CEP152: variants seen among roughly 807,000 people sequenced by gnomAD.
The protein encoded by CEP152 is centrosomal protein of 152 kDa.
Under a neutral mutation model 188.9 loss-of-function variants are expected in CEP152, and 132 were observed. The ratio of observed to expected loss-of-function variants is 0.70; its 90% CI spans 0.61 to 0.81. The LOEUF (loss-of-function observed/expected upper bound fraction) is 0.81, where lower values mean the gene tolerates loss of function less well. CEP152 is among the 30% of genes least tolerant of loss of function. CEP152 has a pLI of 0.00. For synonymous variants in CEP152, 649 were observed against 666.6 expected, an observed-to-expected ratio of 0.97 and a Z score of 0.41; for missense variants, 1,914 against 1,969.8, an observed-to-expected ratio of 0.97 and a Z score of 0.54.
At chr15:48,763,717 T>C (rs1025826603) in intron 17 of CEP152, among the ~76,000 whole-genome samples, 6 of 152,168 alleles carry the variant, frequency 3.9e-5, no homozygotes, top group Admixed American at 3.3e-4. Context: ...TTGAGAATTC[T>C]TTTTTGTTTT....
In CEP152 at chr15:48,756,394, C is replaced by T; in HGVS notation, c.2854G>A (p.Glu952Lys). The change falls in exon 20 of 27, where the codon GAG becomes AAG. Residue 952 changes from glutamate (E) to lysine (K), a missense_variant. By Grantham distance (56) the Glu-to-Lys change is moderately conservative. Coordinates refer to ENST00000380950, the MANE Select transcript of CEP152 (RefSeq NM_001194998.2). ...NEEVPVVIRA[E>K]LAKARSEWNK... ...CATTCACTCCGAGCCTTAGCTAACT[C>T]AGCCCTGATGACCACAGGGACTTCT... 6.2e-6 allele frequency: 10 copies of T among 1,609,500 alleles called. No individual in the cohort carries two copies. Among genetic ancestry groups the T allele is most frequent in the Non-Finnish European group, 8.5e-6 (10 of 1,177,516 alleles).
chr15:48,788,475 A>G (rs1896804613), intron 9 of CEP152, among the ~76,000 whole-genome samples: 1 of 151,488 alleles, frequency 6.6e-6, no homozygotes, highest in Non-Finnish European at 1.5e-5. Context: ...CTGGGATTAC[A>G]GGCACGCACC....
In CEP152 at chr15:48,796,086, A is replaced by G; in HGVS notation, c.615T>C (p.Asn205=). The change falls in exon 6 of 27, where the codon AAT becomes AAC. Residue 205 remains asparagine, a synonymous_variant. Coordinates refer to ENST00000380950, the MANE Select transcript of CEP152 (RefSeq NM_001194998.2). ...CTGTTATCTCCTGGGCTGGTGAGCC[A>G]TTATTCTGGGCAGAAGACTGATAAG... ...YKPYQSSAQN[N]GSPAQEITGS... 6.2e-7 allele frequency: 1 copy of G among 1,613,888 alleles called. No homozygotes were observed. Among genetic ancestry groups the G allele is most frequent in the South Asian group, 1.1e-5 (1 of 91,068 alleles).
At chr15:48,782,749 G>C (rs530505817) in intron 10 of CEP152, among the ~76,000 whole-genome samples, 65 of 152,258 alleles carry the variant, frequency 4.3e-4, no homozygotes, top group African/African-American at 1.4e-3. Context: ...AAGGTGGTGG[G>C]GGGACTGTTC....
intron 23 of CEP152, 140 bp from the exon 24 acceptor site, chr15:48,744,483 A>T: frequency 7.1e-7 from 1 of 1,410,344 alleles, no homozygotes; most frequent in Non-Finnish European, 9.5e-7. Flanking sequence ...TCCACTATAC[A>T]GTTATTTAAA....
At chr15:48,773,272 A>G (rs1260040178) in intron 12 of CEP152, 1 of 153,622 alleles carries the variant, frequency 6.5e-6, no homozygotes, top group Non-Finnish European at 1.4e-5. Flanking sequence ...TTCCTCCTTA[A>G]AAAACTAGCA....
At chr15:48,791,460 A>G (rs923973057) in intron 7 of CEP152, 84 bp from the exon 8 acceptor site, 1 of 1,174,588 alleles carries the variant, frequency 8.5e-7, no homozygotes, top group African/African-American at 1.5e-5. Flanking sequence ...TCACGTCTGT[A>G]TCATATATAA....
chr15:48,730,486 A>G (rs1892385834), intron 2 of CEP152, among the ~76,000 whole-genome samples: 1 of 152,166 alleles, frequency 6.6e-6, no homozygotes, highest in Admixed American at 6.5e-5. Flanking sequence ...ATATGTAGGG[A>G]AAACCTAAGA....
intron 17 of CEP152, among the ~76,000 whole-genome samples, chr15:48,766,209 C>G (rs950033280): frequency 6.6e-6 from 1 of 152,178 alleles, no homozygotes; most frequent in Non-Finnish European, 1.5e-5. Context: ...CTCGCCTGCT[C>G]TTTACTATTC....
At chr15:48,795,767 A>G (rs1399633855) in intron 6 of CEP152, among the ~76,000 whole-genome samples, 1 of 152,184 alleles carries the variant, frequency 6.6e-6, no homozygotes, top group African/African-American at 2.4e-5. Context: ...CCACATCTAT[A>G]TTCCCACCCA....
At chr15:48,807,119 A>G (rs2140938097) in intron 1 of CEP152, among the ~76,000 whole-genome samples, 1 of 152,240 alleles carries the variant, frequency 6.6e-6, no homozygotes, top group Admixed American at 6.5e-5. Flanking sequence ...CTATACCTCA[A>G]CTTAAAACCC....
At chr15:48,770,562 T>C (rs1381643584) in intron 13 of CEP152, among the ~76,000 whole-genome samples, 1 of 152,178 alleles carries the variant, frequency 6.6e-6, no homozygotes, top group African/African-American at 2.4e-5. Flanking sequence ...AGACTCAAAA[T>C]CAGGTTTCTA....
intron 1 of CEP152, among the ~76,000 whole-genome samples, chr15:48,809,895 A>G (rs962351028): frequency 1.3e-4 from 20 of 152,216 alleles, no homozygotes; most frequent in African/African-American, 4.8e-4. Context: ...TGTCACTTCT[A>G]ATAATGCAAC....
chr15:48,763,927 T>C (rs1781610998), intron 17 of CEP152, among the ~76,000 whole-genome samples: 1 of 152,180 alleles, frequency 6.6e-6, no homozygotes, highest in Admixed American at 6.5e-5. Flanking sequence ...TTATAATCAT[T>C]CCACAATATG....
At chr15:48,753,844 A>G (rs527385423) in intron 20 of CEP152, among the ~76,000 whole-genome samples, 1 of 152,318 alleles carries the variant, frequency 6.6e-6, no homozygotes, top group East Asian at 1.9e-4. Flanking sequence ...CTTGAAAGCT[A>G]TATTTTTCAT....
intron 12 of CEP152, among the ~76,000 whole-genome samples, chr15:48,773,909 G>C (rs1053400759): frequency 4.6e-5 from 7 of 152,072 alleles, no homozygotes; most frequent in Non-Finnish European, 7.4e-5. Flanking sequence ...GGCATAGAAA[G>C]AAGTAGGAAA....
At position 48,748,467 on chromosome 15, in the gene CEP152, T is replaced by C. The variant is rs1893627127; in HGVS notation, c.3610A>G (p.Lys1204Glu). ...CCTCCAATTTTTTCCACTACAGCTT[T>C]GTGCTTCCTTTCTAAATGCTGAAGA... is the stretch of plus-strand genomic sequence containing the variant. ...RHLQHLERKH[K>E]AVVEKIGEEN... Residue 1204 changes from lysine (K) to glutamate (E), a missense_variant, in exon 22 of 27, where the codon AAA becomes GAA. Physicochemically the swap from Lys to Glu is moderately conservative, Grantham distance 56 (BLOSUM62 1). Coordinates refer to ENST00000380950, the MANE Select transcript of CEP152 (RefSeq NM_001194998.2). 6.5e-7 allele frequency: 1 copy of C among 1,533,876 alleles called. No homozygotes were observed. The highest frequency in any genetic ancestry group is 8.7e-7 in the Non-Finnish European group (1 of 1,145,966).
chr15:48,792,003 C>CT (rs894795040), intron 7 of CEP152, among the ~76,000 whole-genome samples: 14 of 151,930 alleles, frequency 9.2e-5, no homozygotes, highest in African/African-American at 2.4e-4. Flanking sequence ...GCAATGAACT[C>CT]TTTTTTTTGA....
At chr15:48,742,956 C>A (rs889233875) in intron 24 of CEP152, among the ~76,000 whole-genome samples, 2 of 152,068 alleles carry the variant, frequency 1.3e-5, no homozygotes, top group Non-Finnish European at 2.9e-5. Context: ...AAAATACTAA[C>A]TGGGAGACTG....
Sources: allele counts gnomAD v4.1 joint callset (sites outside exome capture counted in the v4.1 genomes callset), GRCh38; gene constraint gnomAD v4.1.1; transcripts MANE v1.5; gene names NCBI Gene and HGNC (gene_info 2026-07-23, HGNC 2026-07-21).